ANKRD45: variants seen among roughly 807,000 people sequenced by gnomAD.
ANKRD45 encodes ankyrin repeat domain 45, also known as ankyrin repeat domain-containing protein 45.
ANKRD45 carries 21 observed loss-of-function variants against 28.1 expected under a neutral mutation model. That is an observed-to-expected ratio of 0.75 (90% confidence interval 0.53 to 1.08). The LOEUF (loss-of-function observed/expected upper bound fraction) is 1.08. ANKRD45 is among the 50% of genes least tolerant of loss of function. The pLI is 0.00. For synonymous variants in ANKRD45, 86 were observed against 103.9 expected (o/e 0.83, Z 1.05); for missense variants, 261 against 308.7 (o/e 0.85, Z 1.16).
At chr1:173,636,789 T>C (rs1668464163) in intron 3 of ANKRD45, 1 of 1,420,466 alleles carries the variant, frequency 7.0e-7, no homozygotes, top group Non-Finnish European at 9.6e-7. Flanking sequence ...CTCTACTGTT[T>C]TATGTAGATA....
At chr1:173,628,977 A>T (rs1668068185) in intron 3 of ANKRD45, among the ~76,000 whole-genome samples, 1 of 152,230 alleles carries the variant, frequency 6.6e-6, no homozygotes, top group Non-Finnish European at 1.5e-5. Flanking sequence ...AGAAAAGAAA[A>T]AAAGAGTTTC....
the ANKRD45 span, among the ~76,000 whole-genome samples, chr1:173,695,838 C>T: frequency 2.0e-5 from 3 of 152,270 alleles, no homozygotes; most frequent in Admixed American, 1.3e-4. Context: ...AAGCCCCAGT[C>T]TTCCATAGCA....
chr1:173,662,914 C>A (rs570226586), intron 1 of ANKRD45, among the ~76,000 whole-genome samples: 1 of 152,192 alleles, frequency 6.6e-6, no homozygotes, highest in African/African-American at 2.4e-5. Context: ...TTGAGTTACC[C>A]AATCAACAAT....
chr1:173,648,083 G>A (rs951374559), intron 2 of ANKRD45, among the ~76,000 whole-genome samples: 1 of 152,132 alleles, frequency 6.6e-6, no homozygotes, highest in Non-Finnish European at 1.5e-5. Flanking sequence ...GGGACTACAG[G>A]CATGCAGCAC....
chr1:173,639,611 A>G (rs1261801066), intron 3 of ANKRD45, among the ~76,000 whole-genome samples: 2 of 152,196 alleles, frequency 1.3e-5, no homozygotes, highest in Non-Finnish European at 2.9e-5. Context: ...GCAAGTTACA[A>G]ATAGTTGTCT....
chr1:173,670,041 T>C (rs1670203107), upstream of ANKRD45, among the ~76,000 whole-genome samples: 1 of 152,236 alleles, frequency 6.6e-6, no homozygotes, highest in Non-Finnish European at 1.5e-5. Flanking sequence ...AGGTATTTGT[T>C]TTACAGTTTA....
chr1:173,707,625 G>A, the ANKRD45 span, among the ~76,000 whole-genome samples: 22 of 152,200 alleles, frequency 1.4e-4, no homozygotes, highest in East Asian at 2.3e-3. Context: ...GAGCCACCAC[G>A]CCCAGGCTCT....
chr1:173,680,841 C>G, the ANKRD45 span, among the ~76,000 whole-genome samples: 1 of 151,698 alleles, frequency 6.6e-6, no homozygotes, highest in Non-Finnish European at 1.5e-5. Context: ...AGCTGGAAAC[C>G]ATCATTCTCA....
At chr1:173,612,329 A>AAGGG (rs1235962393) in intron 5 of ANKRD45, among the ~76,000 whole-genome samples, 1 of 148,506 alleles carries the variant, frequency 6.7e-6, no homozygotes, top group Non-Finnish European at 1.5e-5. Flanking sequence ...AGAAGGAAGG[A>AAGGG]AGGAAGGAAG....
At chr1:173,658,652 T>C (rs1669651957) in intron 2 of ANKRD45, 1 of 152,416 alleles carries the variant, frequency 6.6e-6, no homozygotes, top group Non-Finnish European at 1.5e-5. Context: ...GCGACTTAGA[T>C]AATGATTGCT....
chr1:173,624,356 G>A (rs919484430), intron 5 of ANKRD45, among the ~76,000 whole-genome samples: 1 of 151,940 alleles, frequency 6.6e-6, no homozygotes, highest in African/African-American at 2.4e-5. Context: ...GGCCAAGCAT[G>A]GTAATGCCTG....
At chr1:173,684,211 A>G in the ANKRD45 span, among the ~76,000 whole-genome samples, 1 of 152,176 alleles carries the variant, frequency 6.6e-6, no homozygotes, top group Non-Finnish European at 1.5e-5. Context: ...AGGTTGCTTT[A>G]TGAGGAAGTT....
intron 3 of ANKRD45, among the ~76,000 whole-genome samples, chr1:173,630,818 T>TAAAAAAA (rs60007196): frequency 3.4e-5 from 1 of 29,066 alleles, no homozygotes; most frequent in Non-Finnish European, 7.5e-5. Flanking sequence ...AGACTCTGTC[T>TAAAAAAA]AAAAAAAAAA....
intron 3 of ANKRD45, among the ~76,000 whole-genome samples, chr1:173,642,341 T>C (rs1257956905): frequency 6.6e-6 from 1 of 152,194 alleles, no homozygotes; most frequent in African/African-American, 2.4e-5. Context: ...ATTCCTAACT[T>C]TTCTTCACCC....
chr1:173,656,078 G>A (rs932374592), intron 2 of ANKRD45, among the ~76,000 whole-genome samples: 8 of 152,260 alleles, frequency 5.3e-5, no homozygotes, highest in African/African-American at 7.2e-5. Context: ...GCGATGCCCT[G>A]CCCTGCTTTG....
the ANKRD45 span, among the ~76,000 whole-genome samples, chr1:173,708,602 A>C: frequency 6.6e-6 from 1 of 152,376 alleles, no homozygotes; most frequent in Admixed American, 6.5e-5. Context: ...AAACAAAGAC[A>C]CTGGATTGCA....
At chr1:173,621,845 T>C (rs1667719659) in intron 5 of ANKRD45, among the ~76,000 whole-genome samples, 1 of 152,102 alleles carries the variant, frequency 6.6e-6, no homozygotes, top group Non-Finnish European at 1.5e-5. Flanking sequence ...AGTATTCAAA[T>C]AGGGACAGAG....
chr1:173,675,083 T>G, the ANKRD45 span, among the ~76,000 whole-genome samples: 2 of 152,036 alleles, frequency 1.3e-5, no homozygotes, highest in African/African-American at 4.8e-5. Context: ...TCCTGGAAAA[T>G]CAATATAGGC....
At chr1:173,706,401 C>T in the ANKRD45 span, among the ~76,000 whole-genome samples, 47 of 151,384 alleles carry the variant, frequency 3.1e-4, no homozygotes, top group African/African-American at 1.1e-3. Flanking sequence ...AGCAGTGGCA[C>T]GATCTCAGCT....
Sources: gnomAD v4.1 joint callset for allele counts (sites outside exome capture counted in the v4.1 genomes callset) on GRCh38, gnomAD v4.1.1 for gene constraint, MANE v1.5 for transcripts, NCBI Gene and HGNC (gene_info 2026-07-23, HGNC 2026-07-21) for gene names.